GPHN: variants seen among roughly 807,000 people sequenced by gnomAD.
The protein encoded by GPHN is gephyrin.
Under a neutral mutation model 95.5 loss-of-function variants are expected in GPHN, and 17 were observed. The observed-to-expected ratio is 0.18, with a 90% CI of 0.12 to 0.27. GPHN has a LOEUF of 0.27. GPHN is among the 10% of genes least tolerant of loss of function. The pLI, the probability that GPHN is intolerant of heterozygous loss-of-function variation, is 1.00. For synonymous variants in GPHN, 320 were observed against 322.5 expected (o/e 0.99, Z 0.08); for missense variants, 660 against 978.1 (o/e 0.67, Z 4.34).
chr14:66,589,070 G>A (rs1233542258), intron 1 of GPHN, among the ~76,000 whole-genome samples: 2 of 152,094 alleles, frequency 1.3e-5, no homozygotes, highest in Non-Finnish European at 2.9e-5. Flanking sequence ...GAGAGTGGGG[G>A]CCAATATTCA....
chr14:66,951,115 G>A (rs977737868), intron 8 of GPHN, among the ~76,000 whole-genome samples: 1 of 151,890 alleles, frequency 6.6e-6, no homozygotes. Flanking sequence ...TAGTAGAAAC[G>A]GGATTTCATC....
At chr14:67,583,524 A>G in the GPHN span, among the ~76,000 whole-genome samples, 1 of 152,200 alleles carries the variant, frequency 6.6e-6, no homozygotes, top group East Asian at 1.9e-4. Flanking sequence ...TGCAAAATCA[A>G]AGTTGGTCGG....
chr14:67,719,666 C>CG, the GPHN span, among the ~76,000 whole-genome samples: 1 of 151,776 alleles, frequency 6.6e-6, no homozygotes, highest in Non-Finnish European at 1.5e-5. Flanking sequence ...TTTGTAGAGA[C>CG]GGGGTCTCAC....
the GPHN span, among the ~76,000 whole-genome samples, chr14:67,203,837 G>A: frequency 5.4e-3 from 823 of 152,164 alleles, 7 homozygotes; most frequent in African/African-American, 0.018. Context: ...TCAGCCTCCC[G>A]AGTATCTGGG....
intron 2 of GPHN, among the ~76,000 whole-genome samples, chr14:66,740,674 C>T (rs1421841105): frequency 3.9e-5 from 6 of 151,960 alleles, no homozygotes; most frequent in Admixed American, 3.9e-4. Flanking sequence ...TTTAAAATGA[C>T]TGATATTTGG....
intron 16 of GPHN, among the ~76,000 whole-genome samples, chr14:67,120,989 C>T (rs1162445075): frequency 6.6e-6 from 1 of 152,196 alleles, no homozygotes; most frequent in Non-Finnish European, 1.5e-5. Flanking sequence ...TGGCCACATA[C>T]TATCACTAAT....
At chr14:66,999,449 T>A (rs1000266261) in intron 9 of GPHN, among the ~76,000 whole-genome samples, 21 of 151,930 alleles carry the variant, frequency 1.4e-4, no homozygotes, top group Non-Finnish European at 2.9e-4. Context: ...TTTATTGTCA[T>A]GTAATTTATT....
At chr14:67,423,113 G>A in the GPHN span, among the ~76,000 whole-genome samples, 3 of 151,984 alleles carry the variant, frequency 2.0e-5, no homozygotes, top group African/African-American at 7.2e-5. Context: ...GATTACAGGG[G>A]TGAGCCACCG....
the GPHN span, among the ~76,000 whole-genome samples, chr14:67,598,664 G>A: frequency 6.6e-6 from 1 of 151,990 alleles, no homozygotes; most frequent in African/African-American, 2.4e-5. Context: ...AAATTTTAGG[G>A]GGGCTATCAA....
the GPHN span, among the ~76,000 whole-genome samples, chr14:67,375,472 C>T: frequency 6.6e-6 from 1 of 151,322 alleles, no homozygotes; most frequent in Non-Finnish European, 1.5e-5. Context: ...TTTCTTTGCC[C>T]TTCTCTGGTG....
At chr14:67,412,018 C>A in the GPHN span, 1 of 1,554,006 alleles carries the variant, frequency 6.4e-7, no homozygotes, top group East Asian at 2.6e-5. Flanking sequence ...GCGCACTCAC[C>A]CTCTTGACCA....
intron 1 of GPHN, among the ~76,000 whole-genome samples, chr14:66,542,078 C>G (rs781108758): frequency 5.3e-5 from 8 of 152,204 alleles, no homozygotes; most frequent in Admixed American, 2.0e-4. Flanking sequence ...CTTGCATATA[C>G]CCTCAGCTTT....
intron 2 of GPHN, among the ~76,000 whole-genome samples, chr14:66,760,300 G>A (rs1257735672): frequency 6.6e-6 from 1 of 152,146 alleles, no homozygotes; most frequent in Non-Finnish European, 1.5e-5. Flanking sequence ...TTTTAGTAGT[G>A]TATCAAGAGT....
At chr14:66,549,099 A>G (rs1288096184) in intron 1 of GPHN, among the ~76,000 whole-genome samples, 3 of 152,262 alleles carry the variant, frequency 2.0e-5, no homozygotes, top group East Asian at 1.9e-4. Context: ...AATAAAAGTT[A>G]TCATATACTT....
At chr14:67,525,195 C>T in the GPHN span, among the ~76,000 whole-genome samples, 12 of 152,134 alleles carry the variant, frequency 7.9e-5, no homozygotes, top group Non-Finnish European at 1.8e-4. Flanking sequence ...CTGTTAATCT[C>T]TGGGAAAAAT....
intron 1 of GPHN, among the ~76,000 whole-genome samples, chr14:66,610,595 C>T (rs1327960727): frequency 1.3e-5 from 2 of 151,920 alleles, no homozygotes; most frequent in African/African-American, 4.8e-5. Flanking sequence ...TTTGTTATTG[C>T]CATTGAAATA....
intron 1 of GPHN, among the ~76,000 whole-genome samples, chr14:66,518,880 T>C (rs1198864744): frequency 1.3e-5 from 2 of 152,050 alleles, no homozygotes; most frequent in Non-Finnish European, 2.9e-5. Context: ...GATACAAAAT[T>C]ACAGCTAGAT....
chr14:67,074,453 T>G (rs917088221), intron 11 of GPHN, among the ~76,000 whole-genome samples: 1 of 152,210 alleles, frequency 6.6e-6, no homozygotes, highest in African/African-American at 2.4e-5. Context: ...CTGTGAATTC[T>G]GACTGTTTTG....
chr14:67,015,045 A>C (rs1472960851), intron 9 of GPHN, among the ~76,000 whole-genome samples: 1 of 152,234 alleles, frequency 6.6e-6, no homozygotes, highest in African/African-American at 2.4e-5. Context: ...AACCAGTTCT[A>C]AAGAATAGAA....
Sources: gnomAD v4.1 joint callset for allele counts (sites outside exome capture counted in the v4.1 genomes callset) on GRCh38, gnomAD v4.1.1 for gene constraint, MANE v1.5 for transcripts, NCBI Gene and HGNC (gene_info 2026-07-23, HGNC 2026-07-21) for gene names.